The following OGFR variants were observed in gnomAD, a reference collection of about 807,000 sequenced individuals.
OGFR encodes the protein protein 7-60.
Under a neutral mutation model 33.6 loss-of-function variants are expected in OGFR, and 18 were observed. That is an observed-to-expected ratio of 0.54 (90% CI 0.37 to 0.80). OGFR has a LOEUF of 0.80. Ranked by LOEUF, OGFR falls within the 30% of genes least tolerant of loss-of-function variation. The probability of loss-of-function intolerance (pLI) is 0.00; values close to 1 mark genes in which losing one functional copy is unlikely to be tolerated. For synonymous variants in OGFR, 370 were observed against 400.7 expected, an observed-to-expected ratio of 0.92 and a Z score of 0.91; for missense variants, 877 against 955.8, an observed-to-expected ratio of 0.92 and a Z score of 1.09.
chr20:62,812,585 A>G lies in OGFR; in HGVS notation c.970A>G (p.Ser324Gly). 1.3e-6 allele frequency: 2 copies of G among 1,573,452 alleles called. No homozygotes were observed. The highest frequency in any genetic ancestry group is 1.3e-5 in the African/African-American group (1 of 74,150). Residue 324 changes from serine (S) to glycine (G), a missense_variant, in exon 7 of 7, where the codon AGC becomes GGC. By Grantham distance (56) the Ser-to-Gly change is moderately conservative. Around this residue, in one of 3 missense-constraint regions of OGFR, gnomAD observed 760 missense variants for 736.0 expected, o/e 1.03. Coordinates refer to ENST00000290291, the MANE Select transcript of OGFR (RefSeq NM_007346.4). ...CCCCGGGGACCCCGACCACGAGGCC[A>G]GCACCCAGGGTCGGACCTGTGGGCC... ...GSPGDPDHEA[S>G]TQGRTCGPEH...
In OGFR at chr20:62,811,624, G is replaced by GCGGGGGCCCCC; in HGVS notation, c.614+15_614+16insGGGGGCCCCCC. On this transcript the variant is annotated intron_variant, in intron 6 of 6. Coordinates refer to ENST00000290291, the MANE Select transcript of OGFR (RefSeq NM_007346.4). ...GAACCTGAACTGGTGAGGCCCGGCT[G>GCGGGGGCCCCC]CTCCCGCCCACCCCCACCCCGGCGC... 6.4e-7 allele frequency: 1 copy of GCGGGGGCCCCC among 1,551,476 alleles called. No individual in the cohort carries two copies.
At chr20:62,807,186 G>A in intron 1 of OGFR, 1 of 327,522 alleles carries the variant, frequency 3.1e-6, no homozygotes, top group South Asian at 3.7e-5. Flanking sequence ...CTAGGAGGAG[G>A]AGAGGGTCAG....
chr20:62,811,913 G>A (rs974624251), intron 6 of OGFR, among the ~76,000 whole-genome samples: 13 of 152,182 alleles, frequency 8.5e-5, no homozygotes, highest in African/African-American at 3.1e-4. Context: ...TGTTCGAGGC[G>A]CCTGTACCCT....
Position 62,812,550 on chromosome 20 carries a change from AG to A in OGFR, c.937del (p.Glu313LysfsTer65). On this transcript the variant is annotated frameshift_variant, in exon 7 of 7. Transcript: ENST00000290291. LOFTEE classifies it low-confidence loss of function (END_TRUNC). ...HPLEGSRKVE[E>X]EGSPGDPDHE... The stretch of plus-strand genomic sequence containing the variant: ...CTCGAGGGCTCCAGGAAGGTGGAGG[AG>A]GAAGGAAGCCCCGGGGACCCCGACC... 1.3e-6 allele frequency: 2 copies of A among 1,584,904 alleles called. No homozygotes were observed. The highest frequency in any genetic ancestry group is 1.7e-6 in the Non-Finnish European group (2 of 1,166,084).
chr20:62,807,061 G>A (rs1392264916), intron 1 of OGFR: 5 of 171,936 alleles, frequency 2.9e-5, no homozygotes, highest in African/African-American at 4.8e-5. Flanking sequence ...GGGGCTACAG[G>A]TGGTGAGGCC....
rs894131502 is a variant in OGFR at position 62,812,972 on chromosome 20, G to A, written c.1357G>A (p.Asp453Asn). ...CCAACCCCTGGGAGCCAGGGTGGCC[G>A]ACAAGGTGAGGAAGCGGAGGAAGGT... ...CRQPLGARVA[D>N]KVRKRRKVDE... Residue 453 changes from aspartate (D) to asparagine (N), a missense_variant, in exon 7 of 7, where the codon GAC (aspartate) becomes AAC (asparagine). Asp to Asn is a conservative substitution (Grantham distance 23, BLOSUM62 1). This residue lies in a region of OGFR where 760 missense variants were observed against 736.0 expected (regional missense o/e 1.03). Transcript: ENST00000290291. The A allele has an allele frequency of 5.0e-6, 8 of 1,612,194 alleles. No individual in the cohort carries two copies. Among genetic ancestry groups the A allele is most frequent in the Non-Finnish European group, 5.9e-6 (7 of 1,179,728 alleles).
rs766620602 is a variant in OGFR, at chr20:62,812,845, C to T, written c.1230C>T (p.Ile410=). The T allele has an allele frequency of 3.7e-6, 6 of 1,612,664 alleles. No homozygotes were observed. The highest frequency in any genetic ancestry group is 2.7e-5 in the African/African-American group (2 of 74,940). The change falls in exon 7 of 7, where the codon ATC becomes ATT. Residue 410 remains isoleucine (I), a synonymous_variant. Transcript: ENST00000290291. ...AGAGTGCCTCAGAGGTGGAGAAGAT[C>T]GCTCTGAATTTGGAGGGGTGTGCCC... The part of the protein sequence containing the change: ...GPQSASEVEK[I]ALNLEGCALS...
In OGFR at chr20:62,810,530, T is replaced by G; in HGVS notation, c.430T>G (p.Trp144Gly). 3 of 1,613,172 alleles carry G rather than the reference T, an allele frequency of 1.9e-6. No individual in the cohort carries two copies. The highest frequency in any genetic ancestry group is 2.5e-6 in the Non-Finnish European group (3 of 1,179,874). Residue 144 changes from tryptophan (W) to glycine (G), a missense_variant, in exon 5 of 7, where the codon TGG (tryptophan) becomes GGG (glycine). Coordinates refer to ENST00000290291, the MANE Select transcript of OGFR (RefSeq NM_007346.4). Reference sequence around the variant, plus strand: ...TCCTCTGCGAGAACCAGGAGTGAACTGGCATGCCAAGCCCCTCACGCTCAG... The same window carrying G: ...TCCTCTGCGAGAACCAGGAGTGAACGGGCATGCCAAGCCCCTCACGCTCAG... ...LFPLREPGVNWHAKPLTLREV... is the reference protein window; with the variant it reads ...LFPLREPGVNGHAKPLTLREV...
intron 4 of OGFR, 126 bp from the exon 5 acceptor site, chr20:62,810,373 C>G (rs1347090264): frequency 1.2e-6 from 1 of 851,460 alleles, no homozygotes; most frequent in Admixed American, 1.9e-5. Context: ...CCTAGCCACT[C>G]CCTCCTAGAG....
chr20:62,813,566 A>G lies in OGFR; in HGVS notation c.1951A>G (p.Arg651Gly), dbSNP rs151139830. 6 of 1,599,094 alleles carry G rather than the reference A, an allele frequency of 3.8e-6. No individual in the cohort carries two copies. The highest frequency in any genetic ancestry group is 1.1e-5 in the South Asian group (1 of 89,876). The part of the protein sequence containing the change: ...TPGPSPAGPT[R>G]DEPAKAGEAA... ...AGGCCCCAGCCCGGCAGGACCTACA[A>G]GGGATGAGCCAGCCAAGGCGGGGGA... The change falls in exon 7 of 7, where the codon AGG (arginine) becomes GGG (glycine). Residue 651 changes from arginine (R) to glycine (G), a missense_variant. Around this residue, in one of 3 missense-constraint regions of OGFR, gnomAD observed 45 missense variants for 38.0 expected, o/e 1.19. Coordinates refer to ENST00000290291, the MANE Select transcript of OGFR (RefSeq NM_007346.4).
At chr20:62,811,053 T>C (rs576175535) in intron 5 of OGFR, among the ~76,000 whole-genome samples, 1 of 152,316 alleles carries the variant, frequency 6.6e-6, no homozygotes, top group East Asian at 1.9e-4. Flanking sequence ...GTGTCTCTTG[T>C]CACTTTACCC....
intron 6 of OGFR, among the ~76,000 whole-genome samples, 175 bp from the exon 7 acceptor site, chr20:62,812,055 C>T (rs1990739381): frequency 6.6e-6 from 1 of 152,210 alleles, no homozygotes; most frequent in Non-Finnish European, 1.5e-5. Flanking sequence ...GCCATTTTCA[C>T]AGGGATGGCA....
rs1474288326 is a variant in OGFR, at chr20:62,813,361, A to G, written c.1746A>G (p.Pro582=). 1 of 1,547,632 alleles carries G rather than the reference A, an allele frequency of 6.5e-7. No individual in the cohort carries two copies. Among genetic ancestry groups the G allele is most frequent in the Non-Finnish European group, 8.6e-7 (1 of 1,158,882 alleles). ...CAGCCGAGAGCCCATCGGAGACCCC[A>G]GGCCCCAGCCCGGCAGGACCTACAA... ...DEPAESPSET[P]GPSPAGPTRD... Residue 582 remains proline (P), a synonymous_variant, in exon 7 of 7, where the codon CCA becomes CCG. Coordinates refer to ENST00000290291, the MANE Select transcript of OGFR (RefSeq NM_007346.4).
chr20:62,812,661 G>C lies in OGFR; in HGVS notation c.1046G>C (p.Ser349Thr). The change falls in exon 7 of 7, where the codon AGC becomes ACC. Residue 349 changes from serine (S) to threonine (T), a missense_variant. Physicochemically the swap from Ser to Thr is moderately conservative, Grantham distance 58 (BLOSUM62 1). Transcript: ENST00000290291. ...GRVDEGPQPRSVEPQDAGPLE... is the reference protein window; with the variant it reads ...GRVDEGPQPRTVEPQDAGPLE... ...GTGGACGAGGGGCCCCAGCCACGGA[G>C]CGTGGAGCCCCAGGATGCGGGACCC... is the stretch of plus-strand genomic sequence containing the variant. 1 of 1,564,674 alleles carries C rather than the reference G, an allele frequency of 6.4e-7. No individual in the cohort carries two copies. The highest frequency in any genetic ancestry group is 8.7e-7 in the Non-Finnish European group (1 of 1,155,282).
intron 5 of OGFR, 32 bp from the exon 6 acceptor site, chr20:62,811,430 G>T: frequency 6.2e-7 from 1 of 1,606,242 alleles, no homozygotes; most frequent in Non-Finnish European, 8.5e-7. Flanking sequence ...TTCAGGGATG[G>T]TGCCTGAGCT....
Position 62,813,794 on chromosome 20 carries a change from T to A in OGFR, c.*145T>A. The A allele has an allele frequency of 3.1e-6, 3 of 962,776 alleles. No homozygotes were observed. Among genetic ancestry groups the A allele is most frequent in the Non-Finnish European group, 4.7e-6 (3 of 637,256 alleles). 59.6% of individuals were successfully genotyped at this position (962,776 alleles called of 1,614,324 possible). The stretch of plus-strand genomic sequence containing the variant: ...GTGCTGGCCTCCTGTGGGGCCACTA[T>A]AGCAGCCACCAGAAGCCGCGAGGCC... On this transcript the variant is annotated 3_prime_UTR_variant, in exon 7 of 7. Coordinates refer to ENST00000290291, the MANE Select transcript of OGFR (RefSeq NM_007346.4).
intron 4 of OGFR, 51 bp downstream of exon 4, chr20:62,809,714 G>A (rs1475809868): frequency 2.2e-6 from 3 of 1,371,648 alleles, no homozygotes; most frequent in Non-Finnish European, 3.1e-6. Flanking sequence ...CACAGGGGGA[G>A]GGCCCTCCCA....
Position 62,812,722 on chromosome 20 carries a change from C to G in OGFR, c.1107C>G (p.His369Gln). The G allele has an allele frequency of 1.0e-5, 16 of 1,595,406 alleles. No homozygotes were observed. Among genetic ancestry groups the G allele is most frequent in the Non-Finnish European group, 1.2e-5 (14 of 1,171,566 alleles). Residue 369 changes from histidine (H) to glutamine (Q), a missense_variant, in exon 7 of 7, where the codon CAC (histidine) becomes CAG (glutamine). Coordinates refer to ENST00000290291, the MANE Select transcript of OGFR (RefSeq NM_007346.4). Reference sequence around the variant, plus strand: ...GCCAGGGGGATGAGGCAGGGGGCCACGGGGAAGATAGGCCGGAGCCCTTAA... The same window carrying G: ...GCCAGGGGGATGAGGCAGGGGGCCAGGGGGAAGATAGGCCGGAGCCCTTAA... ...ERSQGDEAGG[H>Q]GEDRPEPLSP...
chr20:62,813,110 G>C lies in OGFR; in HGVS notation c.1495G>C (p.Gly499Arg), dbSNP rs369405396. 1 of 1,579,524 alleles carries C rather than the reference G, an allele frequency of 6.3e-7. No homozygotes were observed. Among genetic ancestry groups the C allele is most frequent in the Non-Finnish European group, 8.6e-7 (1 of 1,162,746 alleles). Residue 499 changes from glycine to arginine, a missense_variant, in exon 7 of 7, where the codon GGG (glycine) becomes CGG (arginine). Gly to Arg is a moderately radical substitution (Grantham distance 125). Around this residue, in one of 3 missense-constraint regions of OGFR, gnomAD observed 760 missense variants for 736.0 expected, o/e 1.03. Coordinates refer to ENST00000290291, the MANE Select transcript of OGFR (RefSeq NM_007346.4). ...CCCCAAGGCTGGACACAGTGAGAAC[G>C]GGGTTGAGGAGGACACAGAAGGTCG... ...GHPKAGHSENGVEEDTEGRTG... is the reference protein window; with the variant it reads ...GHPKAGHSENRVEEDTEGRTG...
Sources: allele counts gnomAD v4.1 joint callset (sites outside exome capture counted in the v4.1 genomes callset), GRCh38; gene constraint gnomAD v4.1.1; regional missense constraint gnomAD v4.1.1; transcripts MANE v1.5; gene names NCBI Gene and HGNC (gene_info 2026-07-23, HGNC 2026-07-21).